Variants in ANKRD10 observed in about 807,000 individuals in gnomAD.
ANKRD10 encodes ankyrin repeat domain-containing protein 10.
ANKRD10 carries 14 observed loss-of-function variants against 27.0 expected under a neutral mutation model. The observed-to-expected ratio is 0.52, with a 90% CI of 0.34 to 0.81. The LOEUF (loss-of-function observed/expected upper bound fraction) is 0.81. Ranked by LOEUF, ANKRD10 falls within the 40% of genes least tolerant of loss-of-function variation. The pLI is 0.01. For missense variants in ANKRD10, 493 were observed against 544.0 expected (o/e 0.91, Z 0.93); for synonymous variants, 250 against 224.5 (o/e 1.11, Z -1.01).
At position 110,879,374 on chromosome 13, in the gene ANKRD10, A is replaced by C; in HGVS notation, c.*263T>G. On this transcript the variant is annotated 3_prime_UTR_variant, in exon 6 of 6. Transcript: ENST00000267339. ...ATCTGGTGACAGTATTAAAAAGACAATGTTGAGATTGGCATCAGAAAAACT... is the reference window on the plus strand; with the variant it reads ...ATCTGGTGACAGTATTAAAAAGACACTGTTGAGATTGGCATCAGAAAAACT... 2.2e-6 allele frequency: 1 copy of C among 445,498 alleles called. No homozygotes were observed. 27.6% of individuals were successfully genotyped at this position (445,498 alleles called of 1,614,324 possible).
chr13:110,897,291 C>T (rs1250866644), intron 3 of ANKRD10, among the ~76,000 whole-genome samples: 1 of 92,958 alleles, frequency 1.1e-5, no homozygotes, highest in African/African-American at 4.1e-5. Flanking sequence ...CCATGCCTGG[C>T]TACTTTTTTT....
At chr13:110,907,575 G>A (rs2138883103) in intron 2 of ANKRD10, among the ~76,000 whole-genome samples, 1 of 152,280 alleles carries the variant, frequency 6.6e-6, no homozygotes, top group South Asian at 2.1e-4. Context: ...CGAGTGCTTG[G>A]TAGAGGGAAA....
intron 5 of ANKRD10, among the ~76,000 whole-genome samples, chr13:110,880,700 T>C (rs1415686412): frequency 1.3e-5 from 2 of 152,214 alleles, no homozygotes; most frequent in African/African-American, 4.8e-5. Flanking sequence ...AAATCAGGGC[T>C]ATTAAAAGGA....
At chr13:110,890,717 C>G in intron 4 of ANKRD10, among the ~76,000 whole-genome samples, 1 of 152,206 alleles carries the variant, frequency 6.6e-6, no homozygotes, top group Non-Finnish European at 1.5e-5. Context: ...AACACTTAAG[C>G]AGAAGTGCCG....
At chr13:110,902,049 GAAAAA>G (rs10656736) in intron 3 of ANKRD10, among the ~76,000 whole-genome samples, 40,806 of 115,478 alleles carry the variant, frequency 0.35, 6,422 homozygotes, top group East Asian at 0.68. Context: ...TCTCTTTTTA[GAAAAA>G]AAAAAAAAAA....
At chr13:110,903,111 A>G (rs1245254626) in intron 3 of ANKRD10, among the ~76,000 whole-genome samples, 1 of 152,222 alleles carries the variant, frequency 6.6e-6, no homozygotes, top group Admixed American at 6.5e-5. Context: ...ATGAGATGAC[A>G]ATCTTTTTGT....
chr13:110,880,364 G>C (rs1594523124), intron 5 of ANKRD10, among the ~76,000 whole-genome samples: 1 of 152,170 alleles, frequency 6.6e-6, no homozygotes, highest in Non-Finnish European at 1.5e-5. Context: ...ACTGAAAAAT[G>C]TAAGCTGACA....
chr13:110,911,799 C>CA, intron 1 of ANKRD10: 1 of 152,368 alleles, frequency 6.6e-6, no homozygotes. Flanking sequence ...AAAACAACAA[C>CA]AAAAAACCCC....
At position 110,914,542 on chromosome 13, in the gene ANKRD10, C is replaced by A. The variant is rs970769533; in HGVS notation, c.210+183G>T. 8.4e-6 allele frequency: 7 copies of A among 835,906 alleles called. No homozygotes were observed. In the South Asian group the frequency reaches 3.6e-4, roughly 42 times the overall value. The allele number at this position is 835,906 out of a possible 1,614,324, so 51.8% of individuals were successfully genotyped here. On this transcript the variant is annotated intron_variant, in intron 1 of 5. Transcript: ENST00000267339. The stretch of plus-strand genomic sequence containing the variant: ...GCCCCGCGCCCCCCGGCTGCCCCGC[C>A]GCGACTCCGGGCCGCGAGCGCTGCC...
At chr13:110,894,516 T>C (rs1031025824) in intron 3 of ANKRD10, 2 of 185,552 alleles carry the variant, frequency 1.1e-5, no homozygotes, top group Non-Finnish European at 2.2e-5. Flanking sequence ...TATTCGTTAT[T>C]TGCAGACATC....
chr13:110,910,788 G>A lies in ANKRD10; in HGVS notation c.211-18C>T, dbSNP rs1432042996. On this transcript the variant is annotated intron_variant, in intron 1 of 5. Coordinates refer to ENST00000267339, the MANE Select transcript of ANKRD10 (RefSeq NM_017664.4). ...CACTCCAACTTCGAAAACAAGAGGG[G>A]TAATGAAAACACGCAGACATGTCAG... The A allele has an allele frequency of 1.2e-6, 2 of 1,609,834 alleles. No homozygotes were observed. Among genetic ancestry groups the A allele is most frequent in the African/African-American group, 1.3e-5 (1 of 74,682 alleles).
intron 4 of ANKRD10, 129 bp from the exon 5 acceptor site, chr13:110,883,922 G>A: frequency 9.3e-7 from 1 of 1,074,954 alleles, no homozygotes; most frequent in African/African-American, 1.6e-5. Flanking sequence ...AAATCGACAG[G>A]TCACTAATGA....
chr13:110,901,633 T>C (rs1463130963), intron 3 of ANKRD10, among the ~76,000 whole-genome samples: 1 of 152,242 alleles, frequency 6.6e-6, no homozygotes, highest in African/African-American at 2.4e-5. Context: ...ACCCACTTAC[T>C]GTCCCTTTCT....
intron 4 of ANKRD10, among the ~76,000 whole-genome samples, chr13:110,892,004 C>A (rs1243521920): frequency 2.0e-5 from 3 of 150,480 alleles, no homozygotes; most frequent in African/African-American, 7.3e-5. Flanking sequence ...TGAGCCATGA[C>A]AACTGGCCTA....
chr13:110,906,359 T>C (rs1463147727), intron 2 of ANKRD10, among the ~76,000 whole-genome samples: 1 of 152,130 alleles, frequency 6.6e-6, no homozygotes, highest in Non-Finnish European at 1.5e-5. Context: ...TCTCCAGTAG[T>C]GACAGCGTGA....
intron 4 of ANKRD10, among the ~76,000 whole-genome samples, chr13:110,887,593 G>C (rs1264291551): frequency 6.6e-6 from 1 of 152,180 alleles, no homozygotes; most frequent in Non-Finnish European, 1.5e-5. Flanking sequence ...GCTCCAATCA[G>C]CCAGCAGGAC....
chr13:110,914,737 C>G lies in ANKRD10; in HGVS notation c.198G>C (p.Ala66=). Residue 66 remains alanine (A), a synonymous_variant, in exon 1 of 6, where the codon GCG becomes GCC. Transcript: ENST00000267339. ...CGTTCGCACCCACCTTGCCGAAATG[C>G]GCGGCCCAGTGCACGGGCGTCCAGC... ...FYGWTPVHWA[A]HFGKLECLVQ... 1 of 1,586,236 alleles carries G rather than the reference C, an allele frequency of 6.3e-7. No individual in the cohort carries two copies. Among genetic ancestry groups the G allele is most frequent in the Middle Eastern group, 1.7e-4 (1 of 5,912 alleles).
At chr13:110,906,628 AGTG>A (rs1413407531) in intron 2 of ANKRD10, among the ~76,000 whole-genome samples, 2 of 152,162 alleles carry the variant, frequency 1.3e-5, no homozygotes, top group Non-Finnish European at 2.9e-5. Context: ...TTGAACTTGA[AGTG>A]GGACCACAAC....
intron 3 of ANKRD10, chr13:110,900,785 A>T (rs971519353): frequency 3.7e-6 from 3 of 800,290 alleles, no homozygotes; most frequent in Non-Finnish European, 1.8e-6. Flanking sequence ...GGAAACTTAA[A>T]TAATAAGGGA....
Sources: allele counts gnomAD v4.1 joint callset (sites outside exome capture counted in the v4.1 genomes callset), GRCh38; gene constraint gnomAD v4.1.1; transcripts MANE v1.5; gene names NCBI Gene and HGNC (gene_info 2026-07-23, HGNC 2026-07-21).